BLMH: variants seen among roughly 807,000 people sequenced by gnomAD.
The protein encoded by BLMH is BLM hydrolase.
A neutral mutation model predicts 61.6 loss-of-function variants in BLMH; 32 were observed. The ratio of observed to expected loss-of-function variants is 0.52; its 90% CI spans 0.39 to 0.70. BLMH has a LOEUF of 0.70. Among genes scored for constraint, BLMH ranks in the 30% least tolerant of loss-of-function variants. BLMH has a pLI of 0.00. For synonymous variants in BLMH, 183 were observed against 193.8 expected (o/e 0.94, Z 0.46); for missense variants, 460 against 555.5 (o/e 0.83, Z 1.73).
intron 6 of BLMH, among the ~76,000 whole-genome samples, chr17:30,284,331 G>T (rs1024311787): frequency 6.6e-6 from 1 of 152,182 alleles, no homozygotes; most frequent in Non-Finnish European, 1.5e-5. Context: ...GTAATGAGAA[G>T]ACTAGAGCTC....
intron 11 of BLMH, among the ~76,000 whole-genome samples, chr17:30,261,976 A>G (rs1907970836): frequency 6.6e-6 from 1 of 152,244 alleles, no homozygotes; most frequent in Non-Finnish European, 1.5e-5. Flanking sequence ...GTAAGAAAAG[A>G]TTAAAAATGT....
At position 30,256,192 on chromosome 17, in the gene BLMH, C is replaced by T. The variant is rs531068057; in HGVS notation, c.1217-7024G>A. On this transcript the variant is annotated intron_variant, in intron 11 of 11. Coordinates refer to ENST00000261714, the MANE Select transcript of BLMH (RefSeq NM_000386.4). Reference sequence around the variant, plus strand: ...GTAAGCCACTACACCTAGCCCTCTGCGCATTTTAAATTGGAGCTTTTTTCT... The same window carrying T: ...GTAAGCCACTACACCTAGCCCTCTGTGCATTTTAAATTGGAGCTTTTTTCT... Among the ~76,000 whole-genome samples, 48 of 152,198 alleles carry T rather than the reference C, an allele frequency of 3.2e-4. No homozygotes were observed. In the South Asian group the frequency reaches 8.7e-3, roughly 28 times the overall value.
intron 11 of BLMH, among the ~76,000 whole-genome samples, chr17:30,256,280 A>G (rs1276903068): frequency 6.6e-6 from 1 of 151,950 alleles, no homozygotes; most frequent in Non-Finnish European, 1.5e-5. Context: ...TTTTTTTCCT[A>G]TTATGTAACT....
intron 6 of BLMH, among the ~76,000 whole-genome samples, chr17:30,275,661 G>A (rs900290429): frequency 3.9e-5 from 6 of 152,116 alleles, no homozygotes; most frequent in African/African-American, 9.6e-5. Flanking sequence ...ACTCTGGCCT[G>A]GGGGACAGGG....
At chr17:30,280,907 G>A (rs1444571742) in intron 6 of BLMH, among the ~76,000 whole-genome samples, 3 of 152,164 alleles carry the variant, frequency 2.0e-5, no homozygotes, top group Middle Eastern at 3.2e-3. Context: ...TTTGAAAAAA[G>A]TTCAGTGCTG....
At position 30,285,497 on chromosome 17, in the gene BLMH, T is replaced by C; in HGVS notation, c.553-17A>G. 6.3e-7 allele frequency: 1 copy of C among 1,585,994 alleles called. No homozygotes were observed. Among genetic ancestry groups the C allele is most frequent in the Non-Finnish European group, 8.6e-7 (1 of 1,160,920 alleles). The stretch of plus-strand genomic sequence containing the variant: ...TTCTCTCATCTATGACAGAAACTTA[T>C]TCAGCACTCCAACAGTTACCCGAAT... On this transcript the variant is annotated splice_polypyrimidine_tract_variant and intron_variant, in intron 5 of 11. Coordinates refer to ENST00000261714, the MANE Select transcript of BLMH (RefSeq NM_000386.4).
Position 30,272,763 on chromosome 17 carries a change from G to A in BLMH, c.938C>T (p.Ala313Val). The A allele has an allele frequency of 2.5e-6, 4 of 1,614,156 alleles. No individual in the cohort carries two copies. The South Asian group carries it at 4.4e-5, about 18-fold the overall frequency. ...QPIDFLKKMV[A>V]ASIKDGEAVW... ...AACCTCTCCATCTTTGATGGAGGCA[G>A]CAACCATCTTTTTCAGGAAGTCAAT... Residue 313 changes from alanine (A) to valine (V), a missense_variant, in exon 8 of 12, where the codon GCT becomes GTT. By Grantham distance (64) the Ala-to-Val change is moderately conservative. Transcript: ENST00000261714.
At chr17:30,249,285 C>T in intron 11 of BLMH, 117 bp from the exon 12 acceptor site, 1 of 1,094,028 alleles carries the variant, frequency 9.1e-7, no homozygotes, top group South Asian at 1.7e-5. Context: ...TTCAGCTTTC[C>T]CATCTGTAAT....
rs866232916 is a variant in BLMH at position 30,287,331 on chromosome 17, T to C, written c.464-429A>G. Among the ~76,000 whole-genome samples the C allele has an allele frequency of 4.6e-5, 7 of 152,318 alleles. No individual in the cohort carries two copies. In the Middle Eastern group the frequency reaches 0.014, roughly 296 times the overall value. On this transcript the variant is annotated intron_variant, in intron 4 of 11. Coordinates refer to ENST00000261714, the MANE Select transcript of BLMH (RefSeq NM_000386.4). The stretch of plus-strand genomic sequence containing the variant: ...CCTGAGCCACCTTACCCAGCCTAAG[T>C]AGGTTTTTAATGTGCATATTTATCT...
intron 9 of BLMH, 38 bp from the exon 10 acceptor site, chr17:30,271,426 G>A (rs1286868610): frequency 5.9e-6 from 9 of 1,529,174 alleles, no homozygotes; most frequent in African/African-American, 2.7e-5. Context: ...AAGGGAGTAC[G>A]ATCATGGGGA....
At chr17:30,283,910 G>A (rs1908659252) in intron 6 of BLMH, among the ~76,000 whole-genome samples, 1 of 152,180 alleles carries the variant, frequency 6.6e-6, no homozygotes, top group Admixed American at 6.5e-5. Flanking sequence ...AAGGGAAGAA[G>A]TAACATTTAC....
chr17:30,253,549 C>T (rs981512591), intron 11 of BLMH, among the ~76,000 whole-genome samples: 2 of 152,136 alleles, frequency 1.3e-5, no homozygotes, highest in Non-Finnish European at 2.9e-5. Flanking sequence ...ATCAGTGTGT[C>T]TGAAACCTGT....
intron 6 of BLMH, among the ~76,000 whole-genome samples, chr17:30,274,792 G>A (rs1908372019): frequency 2.0e-5 from 3 of 151,934 alleles, no homozygotes; most frequent in Admixed American, 2.0e-4. Context: ...GACCAGCCTG[G>A]ATAACATAGT....
Position 30,274,141 on chromosome 17 carries a change from T to C in BLMH, c.702A>G (p.Glu234=). The C allele has an allele frequency of 6.2e-7, 1 of 1,614,196 alleles. No individual in the cohort carries two copies. The highest frequency in any genetic ancestry group is 1.3e-5 in the African/African-American group (1 of 75,062). Residue 234 remains glutamate, a synonymous_variant, in exon 7 of 12, where the codon GAA becomes GAG. Transcript: ENST00000261714. The part of the protein sequence containing the change: ...LGNPPETFTW[E]YRDKDKNYQK... The stretch of plus-strand genomic sequence containing the variant: ...GATAATTTTTATCTTTGTCTCGATA[T>C]TCCCAGGTGAATGTCTCTGGTGGAT...
At chr17:30,291,684 G>A in intron 1 of BLMH, 123 bp downstream of exon 1, 11 of 1,376,950 alleles carry the variant, frequency 8.0e-6, no homozygotes, top group Non-Finnish European at 1.1e-5. Flanking sequence ...GATCCAGCCT[G>A]CCCCGAAAGC....
At chr17:30,259,551 T>C (rs889020029) in intron 11 of BLMH, among the ~76,000 whole-genome samples, 2 of 151,984 alleles carry the variant, frequency 1.3e-5, no homozygotes, top group African/African-American at 4.8e-5. Context: ...TTAACTGCCC[T>C]CTTGGAAAAA....
At chr17:30,272,374 T>G in intron 9 of BLMH, 187 bp downstream of exon 9, 2 of 676,880 alleles carry the variant, frequency 3.0e-6, no homozygotes, top group Non-Finnish European at 5.2e-6. Context: ...TGTCCTGGGT[T>G]AGAGTGTTTA....
chr17:30,289,496 G>A lies in BLMH; in HGVS notation c.212-14C>T. ...TCCAGCATCGCCCTGAAACAAGAAA[G>A]CACATCAAGAAATTATGAGGGTTCA... On this transcript the variant is annotated splice_polypyrimidine_tract_variant and intron_variant, in intron 2 of 11. Transcript: ENST00000261714. 6.3e-7 allele frequency: 1 copy of A among 1,588,720 alleles called. No homozygotes were observed. Among genetic ancestry groups the A allele is most frequent in the Non-Finnish European group, 8.6e-7 (1 of 1,161,576 alleles).
intron 11 of BLMH, chr17:30,252,357 CAA>C (rs1367809931): frequency 6.6e-6 from 1 of 151,926 alleles, no homozygotes; most frequent in Admixed American, 6.6e-5. Context: ...CGACAGAAGT[CAA>C]AGACAGATCA....
Sources: gnomAD v4.1 joint callset for allele counts (sites outside exome capture counted in the v4.1 genomes callset) on GRCh38, gnomAD v4.1.1 for gene constraint, MANE v1.5 for transcripts, NCBI Gene and HGNC (gene_info 2026-07-23, HGNC 2026-07-21) for gene names.